OTOG: variants seen among roughly 807,000 people sequenced by gnomAD.
OTOG encodes otogelin.
OTOG carries 296 observed loss-of-function variants against 313.8 expected under a neutral mutation model. The observed-to-expected ratio is 0.94, with a 90% CI of 0.86 to 1.04. OTOG has a LOEUF of 1.04. OTOG is among the 50% of genes least tolerant of loss of function. OTOG has a pLI of 0.00. For synonymous variants in OTOG, 1,533 were observed against 1,554.9 expected (o/e 0.99, Z 0.33); for missense variants, 3,948 against 3,840.1 (o/e 1.03, Z -0.74).
chr11:17,565,521 G>T (rs1852278276), intron 15 of OTOG, among the ~76,000 whole-genome samples: 1 of 152,034 alleles, frequency 6.6e-6, no homozygotes, highest in East Asian at 1.9e-4. Flanking sequence ...TGTTCTTTTT[G>T]GAAGGAAGTC....
rs567106175 is a variant in OTOG, at chr11:17,598,173, G to T, written c.3682+1166G>T. On this transcript the variant is annotated intron_variant, in intron 30 of 55. Transcript: ENST00000399397. ...TTACTTCATTTAATATGCAAGACTAGGGGGAGGTGATTGAGGTGCTTACCT... is the reference window on the plus strand; with the variant it reads ...TTACTTCATTTAATATGCAAGACTATGGGGAGGTGATTGAGGTGCTTACCT... 2.0e-5 allele frequency among the ~76,000 whole-genome samples: 3 copies of T among 152,312 alleles called. No individual in the cohort carries two copies. The East Asian group carries it at 5.8e-4, about 29-fold the overall frequency.
Position 17,606,009 on chromosome 11 carries a change from G to C in OTOG, c.4030G>C (p.Gly1344Arg). ...GCTGCACCGGGGGACACGGCAGGCA[G>C]GCCTGGTGGCCCTGGAGTCCCTGGC... is the stretch of plus-strand genomic sequence containing the variant. ...FLLHRGTRQA[G>R]LVALESLAKP... is the part of the protein sequence containing the mutation. The change falls in exon 33 of 56, where the codon GGC (glycine) becomes CGC (arginine). Residue 1344 changes from glycine to arginine, a missense_variant. By Grantham distance (125) the Gly-to-Arg change is moderately radical. Transcript: ENST00000399397. 1 of 1,550,610 alleles carries C rather than the reference G, an allele frequency of 6.4e-7. No homozygotes were observed. Among genetic ancestry groups the C allele is most frequent in the Non-Finnish European group, 8.7e-7 (1 of 1,147,004 alleles).
chr11:17,550,320 A>G (rs1454422165), intron 3 of OTOG, among the ~76,000 whole-genome samples: 1 of 152,200 alleles, frequency 6.6e-6, no homozygotes, highest in Non-Finnish European at 1.5e-5. Flanking sequence ...TAAATTACAC[A>G]TTTTTATAAA....
intron 39 of OTOG, among the ~76,000 whole-genome samples, chr11:17,617,156 A>G (rs1205736974): frequency 6.6e-6 from 1 of 152,180 alleles, no homozygotes; most frequent in Non-Finnish European, 1.5e-5. Context: ...GATGAATTAC[A>G]TTGATTTTTG....
chr11:17,572,598 G>A (rs1179795354), intron 18 of OTOG, among the ~76,000 whole-genome samples: 3 of 152,106 alleles, frequency 2.0e-5, no homozygotes, highest in Non-Finnish European at 2.9e-5. Flanking sequence ...CTCCTCTCCA[G>A]GCCTTTGCAC....
At chr11:17,572,287 G>T in intron 18 of OTOG, 83 bp downstream of exon 18, 1 of 1,509,590 alleles carries the variant, frequency 6.6e-7, no homozygotes, top group Non-Finnish European at 8.9e-7. Context: ...GGAACTCCGG[G>T]CAGGAGAGTG....
intron 54 of OTOG, 118 bp downstream of exon 54, chr11:17,643,624 G>A (rs1454684320): frequency 2.9e-6 from 2 of 690,214 alleles, no homozygotes; most frequent in Admixed American, 8.1e-5. Flanking sequence ...GCTCTTCTGG[G>A]CTGAGTAGAT....
intron 53 of OTOG, among the ~76,000 whole-genome samples, 175 bp downstream of exon 53, chr11:17,642,421 T>G (rs930079817): frequency 2.0e-5 from 3 of 152,190 alleles, no homozygotes; most frequent in African/African-American, 7.2e-5. Flanking sequence ...CCTGACCACA[T>G]CACACCCTGC....
In OTOG at chr11:17,569,188, A is replaced by G; in HGVS notation, c.1677A>G (p.Ser559=). The change falls in exon 16 of 56, where the codon TCA becomes TCG. Residue 559 remains serine, a synonymous_variant. Coordinates refer to ENST00000399397, the MANE Select transcript of OTOG (RefSeq NM_001292063.2). The part of the protein sequence containing the change: ...NQDGACVQSV[S]VILHQDPRRQ... ...ATGGAGCCTGTGTCCAGTCAGTGTC[A>G]GTGATTCTGCACCAGGACCCTCGGA... is the stretch of plus-strand genomic sequence containing the variant. 1 of 1,550,634 alleles carries G rather than the reference A, an allele frequency of 6.4e-7. No homozygotes were observed. Among genetic ancestry groups the G allele is most frequent in the South Asian group, 1.2e-5 (1 of 84,052 alleles).
chr11:17,610,766 C>T lies in OTOG; in HGVS notation c.5466C>T (p.Pro1822=), dbSNP rs578171577. The change falls in exon 36 of 56, where the codon CCC becomes CCT. Residue 1822 remains proline (P), a synonymous_variant. Coordinates refer to ENST00000399397, the MANE Select transcript of OTOG (RefSeq NM_001292063.2). ...GCACATCTGCCCCAGTGGCCACACC[C>T]GGCCCCAAAGCCTCTGTCATCACCA... is the stretch of plus-strand genomic sequence containing the variant. The part of the protein sequence containing the change: ...KVGTSAPVAT[P]GPKASVITTP... 100 of 1,550,058 alleles carry T rather than the reference C, an allele frequency of 6.5e-5. 1 individual carries two copies. Among genetic ancestry groups the T allele is most frequent in the Middle Eastern group, 5.0e-4 (3 of 5,992 alleles).
chr11:17,586,394 C>T (rs891789956), intron 23 of OTOG, 80 bp from the exon 24 acceptor site: 2 of 829,190 alleles, frequency 2.4e-6, no homozygotes, highest in Middle Eastern at 3.2e-4. Context: ...TCCGAGCATC[C>T]AGATTGAGGC....
chr11:17,625,131 A>G (rs1853953565), intron 39 of OTOG, among the ~76,000 whole-genome samples: 1 of 152,184 alleles, frequency 6.6e-6, no homozygotes, highest in Non-Finnish European at 1.5e-5. Flanking sequence ...CTCTCTCCCT[A>G]TTTGGAGGTC....
chr11:17,590,326 C>A lies in OTOG; in HGVS notation c.2868-1124C>A, dbSNP rs565401842. Reference sequence around the variant, plus strand: ...CATCTGAGTTGATGAAGACTTCATTCTCCCAGTTGCTCAGGCCAAAAAACC... The same window carrying A: ...CATCTGAGTTGATGAAGACTTCATTATCCCAGTTGCTCAGGCCAAAAAACC... On this transcript the variant is annotated intron_variant, in intron 24 of 55. Coordinates refer to ENST00000399397, the MANE Select transcript of OTOG (RefSeq NM_001292063.2). 2.6e-5 allele frequency among the ~76,000 whole-genome samples: 4 copies of A among 152,354 alleles called. No homozygotes were observed. In the South Asian group the frequency reaches 8.3e-4, roughly 32 times the overall value.
At position 17,609,914 on chromosome 11, in the gene OTOG, A is replaced by T; in HGVS notation, c.4614A>T (p.Ala1538=). 1 of 1,524,128 alleles carries T rather than the reference A, an allele frequency of 6.6e-7. No individual in the cohort carries two copies. Among genetic ancestry groups the T allele is most frequent in the East Asian group, 2.5e-5 (1 of 40,652 alleles). The allele number at this position is 1,524,128 out of a possible 1,614,324, so 94.4% of individuals were successfully genotyped here. A position where few individuals can be genotyped will look rare whatever the true frequency, so the allele number is the denominator to read the frequency against. The change falls in exon 36 of 56, where the codon GCA becomes GCT. Residue 1538 remains alanine (A), a synonymous_variant. Coordinates refer to ENST00000399397, the MANE Select transcript of OTOG (RefSeq NM_001292063.2). The part of the protein sequence containing the change: ...TTLQQPLELT[A]SQLPAGPTES... Reference sequence around the variant, plus strand: ...TGCAGCAGCCACTGGAGCTCACTGCATCTCAACTCCCCGCCGGCCCCACGG... The same window carrying T: ...TGCAGCAGCCACTGGAGCTCACTGCTTCTCAACTCCCCGCCGGCCCCACGG...
intron 8 of OTOG, among the ~76,000 whole-genome samples, chr11:17,557,629 C>T (rs1288253147): frequency 6.6e-6 from 1 of 152,052 alleles, no homozygotes; most frequent in African/African-American, 2.4e-5. Flanking sequence ...ATGGGGTAGG[C>T]AGGGAGCAGA....
intron 16 of OTOG, 45 bp from the exon 17 acceptor site, chr11:17,570,168 G>T (rs1467599993): frequency 5.3e-6 from 8 of 1,508,960 alleles, no homozygotes; most frequent in African/African-American, 1.4e-5. Flanking sequence ...GGCGGGGTGT[G>T]TACTGGCTGC....
Position 17,634,055 on chromosome 11 carries a change from A to T in OTOG, c.7268-14A>T, listed in dbSNP as rs1262411901. The T allele has an allele frequency of 6.5e-7, 1 of 1,539,308 alleles. No homozygotes were observed. The highest frequency in any genetic ancestry group is 8.7e-7 in the Non-Finnish European group (1 of 1,144,372). Reference sequence around the variant, plus strand: ...CTTCCTCAGTCCCTCGCACCCTGCCATTCCCCTCTGCAGCCTGCACTGACA... The same window carrying T: ...CTTCCTCAGTCCCTCGCACCCTGCCTTTCCCCTCTGCAGCCTGCACTGACA... On this transcript the variant is annotated splice_polypyrimidine_tract_variant and intron_variant, in intron 43 of 55. Coordinates refer to ENST00000399397, the MANE Select transcript of OTOG (RefSeq NM_001292063.2).
rs1482830487 is a variant in OTOG at position 17,559,157 on chromosome 11, A to G, written c.1209A>G (p.Gln403=). 2 of 1,537,226 alleles carry G rather than the reference A, an allele frequency of 1.3e-6. No homozygotes were observed. The highest frequency in any genetic ancestry group is 1.7e-4 in the Middle Eastern group (1 of 5,926). ...PLQGWRTQLR[Q]CTVHCKEKAF... ...AAGGCTGGAGGACCCAGCTCCGGCA[A>G]TGCAGTAGGTGCAGCCCAGTAGTGG... The change falls in exon 11 of 56, where the codon CAA becomes CAG. Residue 403 remains glutamine (Q), a synonymous_variant. Transcript: ENST00000399397.
At chr11:17,552,923 G>A (rs999788661) in intron 4 of OTOG, among the ~76,000 whole-genome samples, 196 bp from the exon 5 acceptor site, 4 of 152,216 alleles carry the variant, frequency 2.6e-5, no homozygotes, top group Non-Finnish European at 5.9e-5. Flanking sequence ...GATGCCCTGC[G>A]ACCCCACCCC....
Sources: allele counts gnomAD v4.1 joint callset (sites outside exome capture counted in the v4.1 genomes callset), GRCh38; gene constraint gnomAD v4.1.1; transcripts MANE v1.5; gene names NCBI Gene and HGNC (gene_info 2026-07-23, HGNC 2026-07-21).